The following SCFD2 variants were observed in gnomAD, a reference collection of about 807,000 sequenced individuals.
SCFD2 encodes the protein sec1 family domain containing 2.
A neutral mutation model predicts 58.9 loss-of-function variants in SCFD2; 54 were observed. That is an observed-to-expected ratio of 0.92 (90% CI 0.74 to 1.15). The LOEUF (loss-of-function observed/expected upper bound fraction) is 1.15. Among genes scored for constraint, SCFD2 ranks in the 50% most tolerant of loss-of-function variants. SCFD2 has a pLI of 0.00. For missense variants in SCFD2, 805 were observed against 836.6 expected (o/e 0.96, Z 0.47); for synonymous variants, 321 against 335.9 (o/e 0.96, Z 0.49).
intron 5 of SCFD2, among the ~76,000 whole-genome samples, chr4:53,110,276 C>T (rs919748020): frequency 2.0e-5 from 3 of 151,894 alleles, no homozygotes; most frequent in African/African-American, 7.2e-5. Context: ...TAAGACCTAA[C>T]ACCATAAAAA....
intron 5 of SCFD2, among the ~76,000 whole-genome samples, chr4:53,074,370 A>G (rs564741944): frequency 1.3e-5 from 2 of 152,256 alleles, no homozygotes; most frequent in African/African-American, 4.8e-5. Flanking sequence ...AACCCTTCAA[A>G]GTTATCGATG....
intron 4 of SCFD2, among the ~76,000 whole-genome samples, chr4:53,224,540 T>C (rs888853928): frequency 6.6e-6 from 1 of 152,244 alleles, no homozygotes; most frequent in Non-Finnish European, 1.5e-5. Context: ...TCCATCCTTC[T>C]ACCTAGTCCC....
At chr4:53,236,796 T>C (rs555759811) in intron 4 of SCFD2, among the ~76,000 whole-genome samples, 146 of 149,568 alleles carry the variant, frequency 9.8e-4, no homozygotes, top group African/African-American at 3.4e-3. Flanking sequence ...TTCTAACTAC[T>C]TAAAGTCACT....
intron 4 of SCFD2, among the ~76,000 whole-genome samples, chr4:53,235,520 T>G (rs1211923211): frequency 6.6e-6 from 1 of 152,176 alleles, no homozygotes; most frequent in African/African-American, 2.4e-5. Context: ...TATCTTATAT[T>G]CTAGCAGAGA....
At chr4:53,031,338 A>T (rs1722610683) in intron 5 of SCFD2, among the ~76,000 whole-genome samples, 1 of 152,234 alleles carries the variant, frequency 6.6e-6, no homozygotes, top group South Asian at 2.1e-4. Context: ...TCCAAAAACC[A>T]GAAGGCCTCT....
At chr4:53,023,235 T>C (rs1408054491) in intron 5 of SCFD2, among the ~76,000 whole-genome samples, 4 of 152,256 alleles carry the variant, frequency 2.6e-5, no homozygotes, top group African/African-American at 9.6e-5. Context: ...TGATTTGAAT[T>C]TGCTCCCCCA....
At chr4:53,188,760 A>C (rs576106779) in intron 4 of SCFD2, among the ~76,000 whole-genome samples, 123 of 152,310 alleles carry the variant, frequency 8.1e-4, no homozygotes, top group African/African-American at 2.9e-3. Context: ...TCCATCTAGT[A>C]AGATAAATCT....
chr4:53,133,285 G>A (rs1425388615), intron 5 of SCFD2, among the ~76,000 whole-genome samples: 13 of 137,158 alleles, frequency 9.5e-5, no homozygotes, highest in African/African-American at 2.8e-4. Flanking sequence ...CCCAGATCGC[G>A]CCACTGCACT....
chr4:52,986,491 A>ATTTTTTT (rs369944739), intron 5 of SCFD2, among the ~76,000 whole-genome samples: 20 of 84,920 alleles, frequency 2.4e-4, no homozygotes, highest in African/African-American at 6.1e-4. Context: ...TCTTCATGAA[A>ATTTTTTT]TTTTTTTTTT....
chr4:53,251,971 A>T (rs1273997543), intron 4 of SCFD2, among the ~76,000 whole-genome samples: 1 of 152,174 alleles, frequency 6.6e-6, no homozygotes, highest in Non-Finnish European at 1.5e-5. Flanking sequence ...ACATGAATGT[A>T]TATCTAGAAA....
At chr4:52,975,763 G>A (rs1422705150) in intron 5 of SCFD2, among the ~76,000 whole-genome samples, 1 of 151,982 alleles carries the variant, frequency 6.6e-6, no homozygotes, top group Non-Finnish European at 1.5e-5. Flanking sequence ...GCAAAGACTT[G>A]GAACCAACTC....
At position 53,236,808 on chromosome 4, in the gene SCFD2, TTTTATTTATTTA is replaced by T. The variant is rs141143179; in HGVS notation, c.1311+37006_1311+37017del. 3.3e-3 allele frequency among the ~76,000 whole-genome samples: 458 copies of T among 138,320 alleles called. 3 individuals carry two copies. Among genetic ancestry groups the T allele is most frequent in the African/African-American group, 7.2e-3 (268 of 37,212 alleles). 90.7% of individuals were successfully genotyped at this position (138,320 alleles called of 152,430 possible). A position where few individuals can be genotyped will look rare whatever the true frequency, so the allele number is the denominator to read the frequency against. ...GATTTCTAACTACTTAAAGTCACTG[TTTTATTTATTTA>T]TTTATTTATTTATTTATTTATTTAT... On this transcript the variant is annotated intron_variant, in intron 4 of 8. Transcript: ENST00000401642.
intron 4 of SCFD2, among the ~76,000 whole-genome samples, chr4:53,251,230 G>A (rs1211480742): frequency 2.0e-5 from 3 of 152,116 alleles, no homozygotes; most frequent in Admixed American, 1.3e-4. Flanking sequence ...CTGAAATTGT[G>A]GCAATAATCA....
At chr4:53,258,577 T>TATATATATATATATATACAC (rs757658747) in intron 4 of SCFD2, among the ~76,000 whole-genome samples, 3 of 121,370 alleles carry the variant, frequency 2.5e-5, no homozygotes, top group Non-Finnish European at 3.4e-5. Flanking sequence ...TATATATATA[T>TATATATATATATATATACAC]ACACACACAT....
intron 5 of SCFD2, among the ~76,000 whole-genome samples, chr4:52,974,370 C>A (rs1236439468): frequency 6.6e-6 from 1 of 152,108 alleles, no homozygotes; most frequent in Non-Finnish European, 1.5e-5. Flanking sequence ...TTCTTATACA[C>A]CAATAACAGA....
chr4:52,903,135 T>C (rs1336838337), intron 7 of SCFD2, among the ~76,000 whole-genome samples: 2 of 152,240 alleles, frequency 1.3e-5, no homozygotes, highest in Non-Finnish European at 2.9e-5. Flanking sequence ...ATTTCTGTTC[T>C]GTTCTCTAGA....
chr4:53,014,635 A>G (rs1040477467), intron 5 of SCFD2, among the ~76,000 whole-genome samples: 1 of 152,184 alleles, frequency 6.6e-6, no homozygotes, highest in African/African-American at 2.4e-5. Context: ...TTGTTATAGC[A>G]CAGATCACAT....
At chr4:53,325,705 G>A (rs995251243) in intron 2 of SCFD2, among the ~76,000 whole-genome samples, 17 of 152,152 alleles carry the variant, frequency 1.1e-4, no homozygotes, top group Non-Finnish European at 2.2e-4. Context: ...TATCTCCTTT[G>A]AGTCTTACAA....
chr4:53,276,435 T>C (rs989965972), intron 3 of SCFD2, among the ~76,000 whole-genome samples: 7 of 152,194 alleles, frequency 4.6e-5, no homozygotes, highest in Admixed American at 1.3e-4. Context: ...GACCCACATA[T>C]ACATTTATAG....
Sources: allele counts gnomAD v4.1 joint callset (sites outside exome capture counted in the v4.1 genomes callset), GRCh38; gene constraint gnomAD v4.1.1; transcripts MANE v1.5; gene names NCBI Gene and HGNC (gene_info 2026-07-23, HGNC 2026-07-21).